Variants in ADAMTS16 observed in about 807,000 individuals in gnomAD.
ADAMTS16 encodes the protein ADAM metallopeptidase with thrombospondin type 1 motif 16.
A neutral mutation model predicts 145.8 loss-of-function variants in ADAMTS16; 94 were observed. The ratio of observed to expected loss-of-function variants is 0.64; its 90% CI spans 0.55 to 0.77. The LOEUF is 0.77. Among genes scored for constraint, ADAMTS16 ranks in the 30% least tolerant of loss-of-function variants. ADAMTS16 has a pLI of 0.00. For synonymous variants in ADAMTS16, 659 were observed against 604.3 expected, an observed-to-expected ratio of 1.09 and a Z score of -1.33; for missense variants, 1,585 against 1,591.5, an observed-to-expected ratio of 1.00 and a Z score of 0.07.
chr5:5,227,505 CTGTGTGTGTGTGTGTGTGTGTGTGTGTG>C (rs55875918), intron 11 of ADAMTS16, among the ~76,000 whole-genome samples: 2 of 148,362 alleles, frequency 1.3e-5, no homozygotes, highest in African/African-American at 5.0e-5. Flanking sequence ...AGATCTAATA[CTGTGTGTGTGTGTGTGTGTGTGTGTGTG>C]TGTGTGTGTG....
intron 17 of ADAMTS16, among the ~76,000 whole-genome samples, chr5:5,247,282 C>T (rs1020952366): frequency 1.3e-5 from 2 of 152,128 alleles, no homozygotes; most frequent in South Asian, 4.1e-4. Context: ...CACCTTTGAG[C>T]TGATCTACTA....
In ADAMTS16 at chr5:5,265,442, G is replaced by A. The variant is rs527571026; in HGVS notation, c.2789+2659G>A. On this transcript the variant is annotated intron_variant, in intron 18 of 22. Transcript: ENST00000274181. ...GTGGAATCTCGGTTTGCCAACTGGC[G>A]GTCATAGAAGTGAGGCTCCCACCTT... 5.9e-5 allele frequency among the ~76,000 whole-genome samples: 9 copies of A among 152,290 alleles called. No homozygotes were observed. The South Asian group carries it at 1.2e-3, about 21-fold the overall frequency.
At chr5:5,208,865 T>C (rs1275851424) in intron 9 of ADAMTS16, among the ~76,000 whole-genome samples, 1 of 152,190 alleles carries the variant, frequency 6.6e-6, no homozygotes, top group Non-Finnish European at 1.5e-5. Flanking sequence ...ACAAATCGTC[T>C]CCCTGGAACA....
intron 13 of ADAMTS16, 66 bp downstream of exon 13, chr5:5,235,252 C>G: frequency 7.1e-7 from 1 of 1,402,368 alleles, no homozygotes; most frequent in Non-Finnish European, 9.5e-7. Context: ...TAAAGAAGTA[C>G]ATGATTGAGA....
At position 5,236,997 on chromosome 5, in the gene ADAMTS16, C is replaced by T. The variant is rs766028161; in HGVS notation, c.2052C>T (p.Ile684=). ...EDQDLCKLYC[I]AEGFDFFFSL... Reference sequence around the variant, plus strand: ...AGGACTTATGCAAACTCTACTGTATCGCAGAAGGATTTGATTTCTTCTTTT... The same window carrying T: ...AGGACTTATGCAAACTCTACTGTATTGCAGAAGGATTTGATTTCTTCTTTT... Residue 684 remains isoleucine (I), a synonymous_variant, in exon 14 of 23, where the codon ATC becomes ATT. Transcript: ENST00000274181. The T allele has an allele frequency of 1.9e-6, 3 of 1,613,674 alleles. No homozygotes were observed. The highest frequency in any genetic ancestry group is 1.1e-5 in the South Asian group (1 of 91,014).
intron 9 of ADAMTS16, among the ~76,000 whole-genome samples, chr5:5,206,256 C>G (rs1319517573): frequency 1.4e-5 from 2 of 147,496 alleles, no homozygotes; most frequent in Non-Finnish European, 3.0e-5. Flanking sequence ...GAAACCCCGT[C>G]TCTACTAAAA....
intron 11 of ADAMTS16, among the ~76,000 whole-genome samples, chr5:5,226,615 G>A (rs1376622303): frequency 1.3e-5 from 2 of 152,074 alleles, no homozygotes; most frequent in Non-Finnish European, 2.9e-5. Context: ...GTACCCCTGA[G>A]GTTTATCAGT....
chr5:5,295,392 T>C lies in ADAMTS16; in HGVS notation c.2790-7876T>C, dbSNP rs555225987. ...GCTCTTCTTTTCTAATGCTCATGTT[T>C]CATAGAGCTACACCAAATTATATTA... On this transcript the variant is annotated intron_variant, in intron 18 of 22. Coordinates refer to ENST00000274181, the MANE Select transcript of ADAMTS16 (RefSeq NM_139056.4). Among the ~76,000 whole-genome samples, 3 of 123,792 alleles carry C rather than the reference T, an allele frequency of 2.4e-5. No homozygotes were observed. In the East Asian group the frequency reaches 7.1e-4, roughly 29 times the overall value. The allele number at this position is 123,792 out of a possible 152,430, so 81.2% of individuals were successfully genotyped here.
At chr5:5,192,561 A>G (rs1169862632) in intron 8 of ADAMTS16, among the ~76,000 whole-genome samples, 1 of 152,140 alleles carries the variant, frequency 6.6e-6, no homozygotes, top group African/African-American at 2.4e-5. Flanking sequence ...CTAGGAACTG[A>G]TTTGCCTCCC....
chr5:5,222,893 CT>C lies in ADAMTS16; in HGVS notation c.1701+10del. ...TTTGTGGGCATGACATGGTAAGAAG[CT>C]AACTGTAGGTACAGCATCGTATTCA... is the stretch of plus-strand genomic sequence containing the variant. On this transcript the variant is annotated intron_variant, in intron 11 of 22. Transcript: ENST00000274181. The C allele has an allele frequency of 6.2e-7, 1 of 1,613,148 alleles. No homozygotes were observed. The highest frequency in any genetic ancestry group is 8.5e-7 in the Non-Finnish European group (1 of 1,179,114).
rs372408360 is a variant in ADAMTS16 at position 5,218,037 on chromosome 5, G to A, written c.1606-4752G>A. The stretch of plus-strand genomic sequence containing the variant: ...TTCCAACTGCCTGGACTCTAGAACC[G>A]TGATTTAATAGGATCTTTGTTCCAA... On this transcript the variant is annotated intron_variant, in intron 10 of 22. Transcript: ENST00000274181. 5.3e-5 allele frequency among the ~76,000 whole-genome samples: 8 copies of A among 152,244 alleles called. No homozygotes were observed. The East Asian group carries it at 1.2e-3, about 22-fold the overall frequency.
At chr5:5,162,744 GGAGAA>G (rs747345031) in intron 3 of ADAMTS16, among the ~76,000 whole-genome samples, 21 of 130,240 alleles carry the variant, frequency 1.6e-4, no homozygotes, top group Admixed American at 3.0e-4. Flanking sequence ...GAGAGAGAGA[GGAGAA>G]GAGAAGAGAA....
In ADAMTS16 at chr5:5,239,233, C is replaced by G; in HGVS notation, c.2237C>G (p.Thr746Arg). The G allele has an allele frequency of 6.2e-7, 1 of 1,601,544 alleles. No individual in the cohort carries two copies. Among genetic ancestry groups the G allele is most frequent in the Non-Finnish European group, 8.5e-7 (1 of 1,174,746 alleles). The change falls in exon 15 of 23, where the codon ACG (threonine) becomes AGG (arginine). Residue 746 changes from threonine to arginine, a missense_variant. Coordinates refer to ENST00000274181, the MANE Select transcript of ADAMTS16 (RefSeq NM_139056.4). ...TGTAACGGGAATAACTCAGCCTGCA[C>G]GATTCACAGGGGTCTCTACACCAAG... Reference protein sequence around the residue: ...GVCNGNNSACTIHRGLYTKHH... With the variant: ...GVCNGNNSACRIHRGLYTKHH...
chr5:5,166,811 G>A (rs1734897405), intron 3 of ADAMTS16, among the ~76,000 whole-genome samples: 1 of 152,174 alleles, frequency 6.6e-6, no homozygotes, highest in Admixed American at 6.5e-5. Flanking sequence ...TTATTAATTG[G>A]TGAAAGTATC....
intron 20 of ADAMTS16, among the ~76,000 whole-genome samples, chr5:5,304,624 G>A (rs994171814): frequency 1.3e-5 from 2 of 152,076 alleles, no homozygotes; most frequent in East Asian, 3.9e-4. Context: ...ACCCTCGAAC[G>A]ATGGCTTCTT....
chr5:5,223,795 G>C (rs944728602), intron 11 of ADAMTS16: 1 of 151,674 alleles, frequency 6.6e-6, no homozygotes, highest in Non-Finnish European at 1.5e-5. Context: ...AAATATAAAA[G>C]ACTATTAATA....
rs929997438 is a variant in ADAMTS16, at chr5:5,182,272, C to G, written c.730C>G (p.Gln244Glu). The part of the protein sequence containing the change: ...HSSDLRLGLP[Q>E]KQHFCGRRKK... ...CAGCGACCTTCGCCTGGGACTGCCA[C>G]AAAAGCAGCATTTCTGTGGAAGACG... Residue 244 changes from glutamine to glutamate, a missense_variant, in exon 4 of 23, where the codon CAA becomes GAA. Physicochemically the swap from Gln to Glu is conservative, Grantham distance 29 (BLOSUM62 2). This residue lies in a region of ADAMTS16 where 453 missense variants were observed against 412.1 expected (regional missense o/e 1.10). Coordinates refer to ENST00000274181, the MANE Select transcript of ADAMTS16 (RefSeq NM_139056.4). The G allele has an allele frequency of 6.2e-7, 1 of 1,613,424 alleles. No homozygotes were observed. The highest frequency in any genetic ancestry group is 1.3e-5 in the African/African-American group (1 of 74,916).
chr5:5,306,466 A>AT (rs774709529), intron 20 of ADAMTS16, 38 bp from the exon 21 acceptor site: 19 of 1,573,920 alleles, frequency 1.2e-5, no homozygotes, highest in African/African-American at 6.8e-5. Context: ...AAAAAAAGAG[A>AT]TTTTTTTCAC....
intron 17 of ADAMTS16, among the ~76,000 whole-genome samples, chr5:5,250,052 G>A (rs568588667): frequency 6.6e-6 from 1 of 152,156 alleles, no homozygotes; most frequent in South Asian, 2.1e-4. Flanking sequence ...TCTCTCTTCC[G>A]TGTATGTGTG....
Sources: allele counts gnomAD v4.1 joint callset (sites outside exome capture counted in the v4.1 genomes callset), GRCh38; gene constraint gnomAD v4.1.1; regional missense constraint gnomAD v4.1.1; transcripts MANE v1.5; gene names NCBI Gene and HGNC (gene_info 2026-07-23, HGNC 2026-07-21).